CCNH: variants seen among roughly 807,000 people sequenced by gnomAD.
CCNH encodes cyclin-H.
In CCNH, 31 loss-of-function variants were observed where a neutral mutation model predicts 41.9. The ratio of observed to expected loss-of-function variants is 0.74; its 90% CI spans 0.56 to 1.00. The LOEUF (loss-of-function observed/expected upper bound fraction) is 1.00, where lower values mean the gene tolerates loss of function less well. Ranked by LOEUF, CCNH falls within the 50% of genes least tolerant of loss-of-function variation. The pLI is 0.00. For synonymous variants in CCNH, 138 were observed against 136.1 expected (o/e 1.01, Z -0.10); for missense variants, 362 against 388.4 (o/e 0.93, Z 0.57).
At chr5:87,409,213 C>T in intron 3 of CCNH, 77 bp downstream of exon 3, 2 of 766,920 alleles carry the variant, frequency 2.6e-6, no homozygotes, top group Non-Finnish European at 2.1e-6. Flanking sequence ...TCTCACAATT[C>T]TCTCCTCCCA....
chr5:87,398,259 A>C (rs1224813856), intron 7 of CCNH, among the ~76,000 whole-genome samples: 2 of 152,222 alleles, frequency 1.3e-5, no homozygotes, highest in African/African-American at 2.4e-5. Context: ...CCCCAACTAC[A>C]ACTGTATAGG....
intron 9 of CCNH, among the ~76,000 whole-genome samples, chr5:87,353,812 C>G (rs1204290283): frequency 6.6e-6 from 1 of 152,044 alleles, no homozygotes; most frequent in East Asian, 1.9e-4. Flanking sequence ...AAAGATTGGC[C>G]TTGAGCAAGA....
At chr5:87,410,389 C>T (rs1764139080) in intron 2 of CCNH, among the ~76,000 whole-genome samples, 1 of 151,960 alleles carries the variant, frequency 6.6e-6, no homozygotes, top group South Asian at 2.1e-4. Context: ...CTCTCTGAAT[C>T]TTTGACATCT....
chr5:87,358,908 C>T (rs1475300217), intron 9 of CCNH, among the ~76,000 whole-genome samples: 4 of 152,096 alleles, frequency 2.6e-5, no homozygotes, highest in East Asian at 3.9e-4. Context: ...CTCACTCTTA[C>T]ATCTTTCAAG....
At chr5:87,384,403 C>T (rs986100257) in intron 9 of CCNH, among the ~76,000 whole-genome samples, 7 of 151,952 alleles carry the variant, frequency 4.6e-5, no homozygotes, top group Non-Finnish European at 7.4e-5. Flanking sequence ...AATAATGAAC[C>T]ATTATAAACA....
chr5:87,366,546 T>C (rs937695642), intron 9 of CCNH: 2 of 191,288 alleles, frequency 1.0e-5, no homozygotes, highest in South Asian at 9.6e-5. Context: ...GCAATAAATA[T>C]ACATTTACCA....
In CCNH at chr5:87,395,197, G is replaced by A. The variant is rs540937034; in HGVS notation, c.873-93C>T. 3.3e-5 allele frequency: 33 copies of A among 1,013,470 alleles called. No homozygotes were observed. The African/African-American group carries it at 4.9e-4, about 15-fold the overall frequency. 62.8% of individuals were successfully genotyped at this position (1,013,470 alleles called of 1,614,324 possible). On this transcript the variant is annotated intron_variant, in intron 7 of 8. Coordinates refer to ENST00000256897, the MANE Select transcript of CCNH (RefSeq NM_001239.4). ...CTAGCAAGGCTATAGGCAATATCAT[G>A]TATCTACTGAACAACAAGGCCAGGA... is the stretch of plus-strand genomic sequence containing the variant.
downstream of CCNH, among the ~76,000 whole-genome samples, chr5:87,371,515 A>T (rs898764919): frequency 3.3e-5 from 5 of 152,180 alleles, no homozygotes; most frequent in African/African-American, 1.2e-4. Context: ...TAAACATTTT[A>T]AAAATATGGC....
chr5:87,389,509 T>C (rs1400379848), downstream of CCNH: 9 of 1,613,984 alleles, frequency 5.6e-6, no homozygotes, highest in East Asian at 1.6e-4. Flanking sequence ...CGCTCAGTAA[T>C]GAGCGTGGTG....
intron 9 of CCNH, chr5:87,353,221 C>G: frequency 6.2e-7 from 1 of 1,607,004 alleles, no homozygotes; most frequent in Non-Finnish European, 8.5e-7. Context: ...TCTTAAGGAA[C>G]CTGTACCAAT....
intron 9 of CCNH, among the ~76,000 whole-genome samples, chr5:87,344,765 C>T (rs886425578): frequency 3.3e-5 from 5 of 150,974 alleles, no homozygotes; most frequent in African/African-American, 9.7e-5. Flanking sequence ...GTGATCCTCC[C>T]ACCTTGGCCT....
downstream of CCNH, among the ~76,000 whole-genome samples, chr5:87,387,597 A>G (rs1351906962): frequency 6.6e-6 from 1 of 152,130 alleles, no homozygotes; most frequent in Non-Finnish European, 1.5e-5. Flanking sequence ...AGCCAGGTGT[A>G]AGGCATGGCA....
chr5:87,379,619 C>G, upstream of CCNH: 12 of 1,386,290 alleles, frequency 8.7e-6, no homozygotes, highest in South Asian at 1.7e-4. Context: ...AAGATCAATA[C>G]ACACAGAGAT....
chr5:87,383,278 T>C (rs1469885449), intron 9 of CCNH, among the ~76,000 whole-genome samples: 1 of 152,148 alleles, frequency 6.6e-6, no homozygotes, highest in Admixed American at 6.6e-5. Context: ...TGAGGGTGTG[T>C]GAAGTTCTAA....
At position 87,357,658 on chromosome 5, in the gene CCNH, T is replaced by C. The variant is rs1382006229; in HGVS notation, c.*90+35112A>G. ...AGGTGGAGGTTGCAGTGAGCCGAGA[T>C]TGCACCACTGCACTCCAGACTGGGA... On this transcript the variant is annotated intron_variant and NMD_transcript_variant, in intron 9 of 9. Coordinates refer to the CCNH transcript ENST00000645953. 3.9e-5 allele frequency among the ~76,000 whole-genome samples: 6 copies of C among 152,070 alleles called. No individual in the cohort carries two copies. The East Asian group carries it at 1.2e-3, about 29-fold the overall frequency.
intron 7 of CCNH, among the ~76,000 whole-genome samples, chr5:87,398,119 AC>A (rs1225167503): frequency 2.0e-5 from 3 of 152,246 alleles, no homozygotes; most frequent in African/African-American, 7.2e-5. Context: ...AATTCCTGTT[AC>A]CACTGAAACC....
downstream of CCNH, among the ~76,000 whole-genome samples, chr5:87,372,888 A>G (rs1180696082): frequency 6.6e-6 from 1 of 152,190 alleles, no homozygotes; most frequent in Non-Finnish European, 1.5e-5. Context: ...AGTGATTAAC[A>G]TACTGTTCTA....
intron 9 of CCNH, among the ~76,000 whole-genome samples, chr5:87,370,953 T>A (rs973811267): frequency 5.3e-5 from 8 of 152,170 alleles, no homozygotes; most frequent in Non-Finnish European, 1.0e-4. Flanking sequence ...TCACATGTAA[T>A]GCACATAAAA....
Position 87,409,311 on chromosome 5 carries a change from T to G in CCNH, c.293A>C (p.Glu98Ala). 6.4e-7 allele frequency: 1 copy of G among 1,573,280 alleles called. No homozygotes were observed. The highest frequency in any genetic ancestry group is 8.7e-7 in the Non-Finnish European group (1 of 1,143,982). Residue 98 changes from glutamate (E) to alanine (A), a missense_variant, in exon 3 of 9, where the codon GAA becomes GCA. Glu to Ala is a moderately radical substitution (Grantham distance 107). Transcript: ENST00000256897. ...KRFYLNNSVM[E>A]YHPRIIMLTC... ...TCACATTATTATCCTGGGGTGATAT[T>G]CCATTACTGAGTTATTAAGATAAAA...
Sources: gnomAD v4.1 joint callset for allele counts (sites outside exome capture counted in the v4.1 genomes callset) on GRCh38, gnomAD v4.1.1 for gene constraint, MANE v1.5 for transcripts, NCBI Gene and HGNC (gene_info 2026-07-23, HGNC 2026-07-21) for gene names.